Variants in IFT140 observed in about 807,000 individuals in gnomAD.
IFT140 encodes intraflagellar transport protein 140 homolog.
IFT140 carries 133 observed loss-of-function variants against 164.6 expected under a neutral mutation model. That is an observed-to-expected ratio of 0.81 (90% CI 0.70 to 0.93). IFT140 has a LOEUF of 0.93. Ranked by LOEUF, IFT140 falls within the 40% of genes least tolerant of loss-of-function variation. The pLI is 0.00. For synonymous variants in IFT140, 860 were observed against 817.3 expected (o/e 1.05, Z -0.89); for missense variants, 2,045 against 1,972.3 (o/e 1.04, Z -0.70).
chr16:1,580,920 T>C, intron 12 of IFT140, 70 bp from the exon 13 acceptor site: 2 of 991,492 alleles, frequency 2.0e-6, no homozygotes, highest in Non-Finnish European at 3.2e-6. Flanking sequence ...TTCAGGAGCA[T>C]TCCCACACAC....
intron 26 of IFT140, among the ~76,000 whole-genome samples, chr16:1,522,249 C>T (rs1013660486): frequency 9.9e-5 from 15 of 151,908 alleles, no homozygotes; most frequent in African/African-American, 1.7e-4. Flanking sequence ...CCCAGCTACT[C>T]GGGAGGCTGA....
chr16:1,520,529 G>T, intron 27 of IFT140, 73 bp downstream of exon 27: 1 of 1,457,912 alleles, frequency 6.9e-7, no homozygotes. Flanking sequence ...GAAGGCAAAT[G>T]GAGATGCGTG....
chr16:1,550,609 G>A lies in IFT140; in HGVS notation c.2399+7326C>T, dbSNP rs371667390. ...TCCACACTGCTAGGGCACCCGGCAG[G>A]CTGCCTCAGGGCAGGAGGCCGGGCT... is the stretch of plus-strand genomic sequence containing the variant. On this transcript the variant is annotated intron_variant, in intron 19 of 30. Coordinates refer to ENST00000426508, the MANE Select transcript of IFT140 (RefSeq NM_014714.4). Among the ~76,000 whole-genome samples the A allele has an allele frequency of 3.3e-5, 5 of 152,260 alleles. 1 individual carries two copies. Among genetic ancestry groups the A allele is most frequent in the East Asian group, 1.9e-4 (1 of 5,156 alleles).
intron 15 of IFT140, among the ~76,000 whole-genome samples, chr16:1,566,575 C>T (rs1187210951): frequency 6.6e-6 from 1 of 152,188 alleles, no homozygotes; most frequent in East Asian, 1.9e-4. Flanking sequence ...GATCCTCCCA[C>T]CTCAGCCTCC....
At chr16:1,584,011 A>G (rs569311123) in intron 11 of IFT140, among the ~76,000 whole-genome samples, 1 of 152,318 alleles carries the variant, frequency 6.6e-6, no homozygotes, top group East Asian at 1.9e-4. Context: ...CTGGGATTAC[A>G]GGCGTCAGCC....
intron 19 of IFT140, among the ~76,000 whole-genome samples, chr16:1,546,654 A>T (rs1193036376): frequency 6.6e-6 from 1 of 152,164 alleles, no homozygotes; most frequent in Non-Finnish European, 1.5e-5. Context: ...TCGGGGGCGC[A>T]AACTGTCCTC....
intron 21 of IFT140, among the ~76,000 whole-genome samples, chr16:1,525,589 C>G (rs1331062710): frequency 6.6e-6 from 1 of 152,218 alleles, no homozygotes; most frequent in Non-Finnish European, 1.5e-5. Context: ...GAGAGGGTGA[C>G]ATGGGGTTTG....
intron 19 of IFT140, among the ~76,000 whole-genome samples, chr16:1,557,285 G>C (rs78753725): frequency 0.083 from 12,703 of 152,226 alleles, 628 homozygotes; most frequent in African/African-American, 0.13. Context: ...GCCCGGCAGG[G>C]GGAATGAAGG....
Position 1,528,311 on chromosome 16 carries a change from A to G in IFT140, c.2400-1515T>C, listed in dbSNP as rs547170788. On this transcript the variant is annotated intron_variant, in intron 19 of 30. Coordinates refer to ENST00000426508, the MANE Select transcript of IFT140 (RefSeq NM_014714.4). ...TACAAGCCCCACCAAAGCCACACACACACGCACGCATGCACGCACGTGTGC... is the reference window on the plus strand; with the variant it reads ...TACAAGCCCCACCAAAGCCACACACGCACGCACGCATGCACGCACGTGTGC... Among the ~76,000 whole-genome samples the G allele has an allele frequency of 1.7e-4, 22 of 133,218 alleles. 1 individual carries two copies. The highest frequency in any genetic ancestry group is 3.7e-4 in the African/African-American group (12 of 32,598). 87.4% of individuals were successfully genotyped at this position (133,218 alleles called of 152,430 possible).
chr16:1,544,355 T>C (rs1443489102), intron 19 of IFT140, among the ~76,000 whole-genome samples: 1 of 151,794 alleles, frequency 6.6e-6, no homozygotes, highest in African/African-American at 2.4e-5. Flanking sequence ...GGCTAATTTT[T>C]TTTGTATTTT....
chr16:1,601,789 T>G (rs1006297097), intron 4 of IFT140, among the ~76,000 whole-genome samples: 1 of 152,266 alleles, frequency 6.6e-6, no homozygotes, highest in African/African-American at 2.4e-5. Flanking sequence ...TGGCTCAGTC[T>G]TCACTCTAGA....
intron 19 of IFT140, chr16:1,541,954 T>C: frequency 6.2e-7 from 1 of 1,608,850 alleles, no homozygotes; most frequent in Non-Finnish European, 8.5e-7. Flanking sequence ...TGCAACCTGG[T>C]GGCCACGGCC....
Position 1,605,605 on chromosome 16 carries a change from C to T in IFT140, c.147+1515G>A, listed in dbSNP as rs9929686. Among the ~76,000 whole-genome samples, 178 of 152,120 alleles carry T rather than the reference C, an allele frequency of 1.2e-3. 2 individuals are homozygous for T. Among genetic ancestry groups the T allele is most frequent in the African/African-American group, 3.8e-3 (156 of 41,508 alleles). ...ATTTTTAGTGGAGACGGGGTTTCACCGTGTTAGCCAGGATGGTCTTGATCT... is the reference window on the plus strand; with the variant it reads ...ATTTTTAGTGGAGACGGGGTTTCACTGTGTTAGCCAGGATGGTCTTGATCT... On this transcript the variant is annotated intron_variant, in intron 3 of 30. Coordinates refer to ENST00000426508, the MANE Select transcript of IFT140 (RefSeq NM_014714.4).
At chr16:1,607,541 T>C (rs1291137791) in intron 2 of IFT140, among the ~76,000 whole-genome samples, 2 of 152,100 alleles carry the variant, frequency 1.3e-5, no homozygotes, top group South Asian at 2.1e-4. Flanking sequence ...ATACAACTCA[T>C]GGCCATCAAA....
At position 1,584,250 on chromosome 16, in the gene IFT140, G is replaced by A. The variant is rs748014543; in HGVS notation, c.1326C>T (p.Thr442=). 47 of 1,613,740 alleles carry A rather than the reference G, an allele frequency of 2.9e-5. No individual in the cohort carries two copies. Among genetic ancestry groups the A allele is most frequent in the Middle Eastern group, 1.7e-4 (1 of 6,058 alleles). The change falls in exon 11 of 31, where the codon ACC becomes ACT. Residue 442 remains threonine (T), a synonymous_variant. Transcript: ENST00000426508. ...CAAACACTCCACTGATGTGCATGTCGGTGCGCAGGCTGTGTGCGACCCCCG... is the reference window on the plus strand; with the variant it reads ...CAAACACTCCACTGATGTGCATGTCAGTGCGCAGGCTGTGTGCGACCCCCG... ...LSTGVAHSLR[T]DMHISGVFAT... is the part of the protein sequence containing the mutation.
In IFT140 at chr16:1,598,695, C is replaced by T. The variant is rs180732599; in HGVS notation, c.369+3675G>A. ...CCCCAAGGACAGTGGTTTGGGCATCCGCTAAGCCACAGGGCATGCCCCGGG... is the reference window on the plus strand; with the variant it reads ...CCCCAAGGACAGTGGTTTGGGCATCTGCTAAGCCACAGGGCATGCCCCGGG... On this transcript the variant is annotated intron_variant, in intron 4 of 30. Coordinates refer to ENST00000426508, the MANE Select transcript of IFT140 (RefSeq NM_014714.4). Among the ~76,000 whole-genome samples the T allele has an allele frequency of 7.9e-4, 121 of 152,378 alleles. 1 individual carries two copies. The highest frequency in any genetic ancestry group is 3.4e-3 in the Middle Eastern group (1 of 294).
chr16:1,556,208 G>A (rs538201885), intron 19 of IFT140, among the ~76,000 whole-genome samples: 4 of 152,242 alleles, frequency 2.6e-5, no homozygotes, highest in Non-Finnish European at 5.9e-5. Flanking sequence ...AAACAACCCC[G>A]TGTCCTAAAT....
At chr16:1,524,325 C>T in intron 24 of IFT140, 1 of 652,498 alleles carries the variant, frequency 1.5e-6, no homozygotes, top group Non-Finnish European at 2.5e-6. Context: ...GCCCTGGAGC[C>T]TGGGAAACAT....
intron 1 of IFT140, among the ~76,000 whole-genome samples, chr16:1,611,483 A>G (rs2036315563): frequency 2.1e-5 from 3 of 143,856 alleles, no homozygotes; most frequent in Admixed American, 2.1e-4. Flanking sequence ...TGGGCGACAG[A>G]GCGAGTCAAA....
Sources: allele counts gnomAD v4.1 joint callset (sites outside exome capture counted in the v4.1 genomes callset), GRCh38; gene constraint gnomAD v4.1.1; transcripts MANE v1.5; gene names NCBI Gene and HGNC (gene_info 2026-07-23, HGNC 2026-07-21).